SLC4A4: variants seen among roughly 807,000 people sequenced by gnomAD.
SLC4A4 encodes electrogenic sodium bicarbonate cotransporter 1.
SLC4A4 carries 27 observed loss-of-function variants against 111.5 expected under a neutral mutation model. The ratio of observed to expected loss-of-function variants is 0.24; its 90% confidence interval spans 0.18 to 0.33. SLC4A4 has a LOEUF of 0.33. Ranked by LOEUF, SLC4A4 falls within the 10% of genes least tolerant of loss-of-function variation. SLC4A4 has a pLI of 1.00. For missense variants in SLC4A4, 909 were observed against 1,315.5 expected (o/e 0.69, Z 4.78); for synonymous variants, 443 against 463.4 (o/e 0.96, Z 0.57).
chr4:71,332,337 C>T (rs1468445410), intron 3 of SLC4A4, among the ~76,000 whole-genome samples: 8 of 151,998 alleles, frequency 5.3e-5, no homozygotes, highest in Non-Finnish European at 8.8e-5. Flanking sequence ...TCTTTCTCTC[C>T]CTTCTCTTTA....
At chr4:71,376,075 G>C (rs955016327) in intron 6 of SLC4A4, among the ~76,000 whole-genome samples, 1 of 120,170 alleles carries the variant, frequency 8.3e-6, no homozygotes. Context: ...ACATATACAC[G>C]TATATATATA....
chr4:71,260,837 A>G (rs1721804118), intron 3 of SLC4A4, among the ~76,000 whole-genome samples: 1 of 152,208 alleles, frequency 6.6e-6, no homozygotes, highest in Admixed American at 6.5e-5. Context: ...GATTTTAATC[A>G]TAGTATTCTG....
chr4:71,165,567 A>C (rs970888421), intron 2 of SLC4A4, among the ~76,000 whole-genome samples: 43 of 152,174 alleles, frequency 2.8e-4, no homozygotes, highest in African/African-American at 9.9e-4. Context: ...GTGGGGGACT[A>C]GGGGACAGGA....
chr4:71,339,380 T>C lies in SLC4A4; in HGVS notation c.264T>C (p.Ala88=). The change falls in exon 4 of 26, where the codon GCT becomes GCC. Residue 88 remains alanine, a synonymous_variant. Transcript: ENST00000264485. ...TTTTCACTTCTGCAGTCTCTCCTGC[T>C]GCAGAACGCATCCGATTCATCTTGG... The part of the protein sequence containing the change: ...SSILKPLISP[A]AERIRFILGE... 3 of 1,614,178 alleles carry C rather than the reference T, an allele frequency of 1.9e-6. No individual in the cohort carries two copies. The highest frequency in any genetic ancestry group is 3.3e-5 in the Admixed American group (2 of 60,028).
At chr4:71,368,867 G>A (rs1008375437) in intron 6 of SLC4A4, among the ~76,000 whole-genome samples, 1 of 152,118 alleles carries the variant, frequency 6.6e-6, no homozygotes, top group Non-Finnish European at 1.5e-5. Context: ...TCATCTAAGG[G>A]TGCAGGGCAT....
chr4:71,193,951 C>T (rs557506696), intron 1 of SLC4A4, among the ~76,000 whole-genome samples: 1 of 152,128 alleles, frequency 6.6e-6, no homozygotes, highest in South Asian at 2.1e-4. Context: ...TCTGGATCTT[C>T]GAAACTTTAT....
rs529037256 is a variant in SLC4A4 at position 71,180,608 on chromosome 4, A to G, written c.-1-55968A>G. ...CAACACACATGAAAAAATGCTCATC[A>G]TCACTGGCCATCAGAGAAATGCAAA... On this transcript the variant is annotated intron_variant, in intron 2 of 26. Transcript: ENST00000649996. Among the ~76,000 whole-genome samples, 637 of 152,366 alleles carry G rather than the reference A, an allele frequency of 4.2e-3. 5 individuals carry two copies. The highest frequency in any genetic ancestry group is 0.015 in the African/African-American group (611 of 41,594).
At chr4:71,158,568 G>T (rs987285554) in intron 2 of SLC4A4, among the ~76,000 whole-genome samples, 2 of 152,162 alleles carry the variant, frequency 1.3e-5, no homozygotes, top group Admixed American at 1.3e-4. Flanking sequence ...ATGGCAAAGG[G>T]CCTCCTTTTG....
At chr4:71,337,327 A>T (rs557463586) in intron 3 of SLC4A4, among the ~76,000 whole-genome samples, 1 of 152,156 alleles carries the variant, frequency 6.6e-6, no homozygotes, top group Non-Finnish European at 1.5e-5. Context: ...TTATAGAAAT[A>T]TATATTTCTT....
At chr4:71,523,612 TCCTGAGC>T (rs1231391743) in intron 16 of SLC4A4, among the ~76,000 whole-genome samples, 1 of 152,104 alleles carries the variant, frequency 6.6e-6, no homozygotes, top group Non-Finnish European at 1.5e-5. Context: ...AACCTCTTGG[TCCTGAGC>T]ACTTTCAGCT....
chr4:71,199,544 C>G (rs1746154857), intron 1 of SLC4A4, among the ~76,000 whole-genome samples: 1 of 152,102 alleles, frequency 6.6e-6, no homozygotes, highest in Non-Finnish European at 1.5e-5. Context: ...AATTAAAGAG[C>G]CTGGAAAGTC....
At position 71,570,734 on chromosome 4, in the gene SLC4A4, C is replaced by G. The variant is rs1008449412; in HGVS notation, c.*2983C>G. On this transcript the variant is annotated 3_prime_UTR_variant, in exon 26 of 26. Coordinates refer to ENST00000264485, the MANE Select transcript of SLC4A4 (RefSeq NM_001098484.3). ...AGAGATGACTAAGTCAAGTGTCTGCCTTATCAAAAGAGCAAAAATGCCTCT... is the reference window on the plus strand; with the variant it reads ...AGAGATGACTAAGTCAAGTGTCTGCGTTATCAAAAGAGCAAAAATGCCTCT... 4 of 152,014 alleles carry G rather than the reference C, an allele frequency of 2.6e-5. No homozygotes were observed. Among genetic ancestry groups the G allele is most frequent in the Non-Finnish European group, 5.9e-5 (4 of 67,830 alleles). 9.4% of individuals were successfully genotyped at this position (152,014 alleles called of 1,614,324 possible).
chr4:71,312,606 G>A (rs962701432), intron 3 of SLC4A4, among the ~76,000 whole-genome samples: 1 of 152,164 alleles, frequency 6.6e-6, no homozygotes, highest in Non-Finnish European at 1.5e-5. Flanking sequence ...TGGGATGCAA[G>A]GCTGGTTCAA....
intron 4 of SLC4A4, among the ~76,000 whole-genome samples, chr4:71,343,606 T>A (rs1578879142): frequency 6.6e-6 from 1 of 152,344 alleles, no homozygotes; most frequent in Admixed American, 6.5e-5. Flanking sequence ...TCTGACCAAT[T>A]GGTAAATTCT....
intron 2 of SLC4A4, among the ~76,000 whole-genome samples, chr4:71,124,027 C>T (rs1436405557): frequency 6.6e-6 from 1 of 152,138 alleles, no homozygotes; most frequent in Non-Finnish European, 1.5e-5. Flanking sequence ...TTTATGTGCA[C>T]TACTTTGATT....
chr4:71,172,227 C>A (rs1194875898), intron 2 of SLC4A4, among the ~76,000 whole-genome samples: 2 of 151,900 alleles, frequency 1.3e-5, no homozygotes, highest in African/African-American at 4.8e-5. Context: ...TTCACCATTA[C>A]ATATTCTAGC....
At chr4:71,358,930 G>C (rs543731416) in intron 6 of SLC4A4, among the ~76,000 whole-genome samples, 1 of 151,958 alleles carries the variant, frequency 6.6e-6, no homozygotes, top group African/African-American at 2.4e-5. Context: ...GATTTAATTC[G>C]TTTATCATGG....
chr4:71,522,449 T>A (rs564465539), intron 16 of SLC4A4, among the ~76,000 whole-genome samples: 14 of 152,164 alleles, frequency 9.2e-5, no homozygotes, highest in Admixed American at 4.6e-4. Context: ...TAGAGCAGGA[T>A]TGGGGTTAGT....
At chr4:71,304,387 G>A (rs888228820) in intron 3 of SLC4A4, among the ~76,000 whole-genome samples, 1 of 152,146 alleles carries the variant, frequency 6.6e-6, no homozygotes, top group Non-Finnish European at 1.5e-5. Flanking sequence ...ATGTCTGAGA[G>A]CAGGAGAAGA....
Sources: gnomAD v4.1 joint callset for allele counts (sites outside exome capture counted in the v4.1 genomes callset) on GRCh38, gnomAD v4.1.1 for gene constraint, MANE v1.5 for transcripts, NCBI Gene and HGNC (gene_info 2026-07-23, HGNC 2026-07-21) for gene names.